UBE2D2: variants seen among roughly 807,000 people sequenced by gnomAD.
UBE2D2 encodes ubiquitin-conjugating enzyme E2 D2.
Under a neutral mutation model 24.2 loss-of-function variants are expected in UBE2D2, and 2 were observed. The observed-to-expected ratio is 0.08, with a 90% CI of 0.03 to 0.26. The LOEUF (loss-of-function observed/expected upper bound fraction) is 0.26. Among genes scored for constraint, UBE2D2 ranks in the 10% least tolerant of loss-of-function variants. The probability of loss-of-function intolerance (pLI) is 1.00; values close to 1 mark genes in which losing one functional copy is unlikely to be tolerated. For missense variants in UBE2D2, 44 were observed against 177.6 expected (o/e 0.25, Z 4.28); for synonymous variants, 58 against 56.5 (o/e 1.03, Z -0.12).
intron 1 of UBE2D2, among the ~76,000 whole-genome samples, chr5:139,568,037 A>G (rs983450353): frequency 1.2e-4 from 18 of 152,182 alleles, no homozygotes; most frequent in African/African-American, 4.1e-4. Context: ...GCTGAACAGT[A>G]CTGTATTTTA....
intron 1 of UBE2D2, among the ~76,000 whole-genome samples, chr5:139,595,450 C>A (rs914716654): frequency 6.6e-6 from 1 of 151,852 alleles, no homozygotes; most frequent in South Asian, 2.1e-4. Flanking sequence ...ACGATGTTGT[C>A]TCACTACAAC....
intron 2 of UBE2D2, among the ~76,000 whole-genome samples, chr5:139,605,910 TAAA>T (rs112553596): frequency 6.7e-6 from 1 of 148,320 alleles, no homozygotes; most frequent in Non-Finnish European, 1.5e-5. Flanking sequence ...CTGGCTAATT[TAAA>T]AAAAAAAATT....
At chr5:139,605,619 A>AG (rs1561517848) in intron 2 of UBE2D2, among the ~76,000 whole-genome samples, 1 of 150,194 alleles carries the variant, frequency 6.7e-6, no homozygotes, top group African/African-American at 2.5e-5. Flanking sequence ...AAAAAAGAAA[A>AG]GAAAGAAACA....
chr5:139,558,985 T>G (rs1753015866), upstream of UBE2D2, among the ~76,000 whole-genome samples: 1 of 152,000 alleles, frequency 6.6e-6, no homozygotes, highest in Non-Finnish European at 1.5e-5. Flanking sequence ...CAATCTTCTG[T>G]AGAGATGAAG....
At chr5:139,532,459 C>G (rs1348079483) in intron 1 of UBE2D2, among the ~76,000 whole-genome samples, 2 of 151,998 alleles carry the variant, frequency 1.3e-5, no homozygotes, top group East Asian at 3.9e-4. Flanking sequence ...TCACGCCATT[C>G]TCTTGCCTCA....
chr5:139,579,788 C>A (rs1393046883), intron 1 of UBE2D2, among the ~76,000 whole-genome samples: 2 of 151,998 alleles, frequency 1.3e-5, no homozygotes, highest in Non-Finnish European at 2.9e-5. Flanking sequence ...TGGCTCACAT[C>A]TGTAATCCCA....
At chr5:139,619,184 T>A (rs1376614519) in intron 5 of UBE2D2, among the ~76,000 whole-genome samples, 1 of 152,066 alleles carries the variant, frequency 6.6e-6, no homozygotes, top group Non-Finnish European at 1.5e-5. Context: ...TCACTTGAGG[T>A]CAGGAGTTTA....
chr5:139,605,449 G>A (rs931267067), intron 2 of UBE2D2, among the ~76,000 whole-genome samples: 7 of 151,758 alleles, frequency 4.6e-5, no homozygotes, highest in Middle Eastern at 3.4e-3. Context: ...AAAATTAGCC[G>A]GGCTTGGTGG....
intron 1 of UBE2D2, among the ~76,000 whole-genome samples, chr5:139,530,798 A>C (rs1190250596): frequency 6.6e-6 from 1 of 152,176 alleles, no homozygotes; most frequent in Non-Finnish European, 1.5e-5. Flanking sequence ...TGTGGCATGG[A>C]CTCAGTCCGG....
intron 1 of UBE2D2, among the ~76,000 whole-genome samples, chr5:139,528,649 G>C (rs1752566389): frequency 6.6e-6 from 1 of 152,122 alleles, no homozygotes; most frequent in South Asian, 2.1e-4. Flanking sequence ...AAATAACAAA[G>C]GAAACCATTA....
chr5:139,605,615 GAAAA>G (rs1256014273), intron 2 of UBE2D2, among the ~76,000 whole-genome samples: 16 of 115,938 alleles, frequency 1.4e-4, no homozygotes, highest in African/African-American at 5.6e-4. Context: ...AAAAAAAAAA[GAAAA>G]GAAAGAAACA....
Position 139,614,972 on chromosome 5 carries a change from A to T in UBE2D2, c.304+6A>T. The T allele has an allele frequency of 6.2e-7, 1 of 1,605,474 alleles. No homozygotes were observed. The highest frequency in any genetic ancestry group is 8.5e-7 in the Non-Finnish European group (1 of 1,175,926). ...AGCACTAACTATTTCAAAAGGTAAC[A>T]GTGGGTATTTGATATCAAGATAAAG... On this transcript the variant is annotated splice_donor_region_variant and intron_variant, in intron 5 of 6. Coordinates refer to ENST00000398733, the MANE Select transcript of UBE2D2 (RefSeq NM_003339.3).
chr5:139,557,535 G>A (rs955158487), upstream of UBE2D2, among the ~76,000 whole-genome samples: 1 of 152,106 alleles, frequency 6.6e-6, no homozygotes, highest in Non-Finnish European at 1.5e-5. Context: ...ATCATCTGAG[G>A]TCTGGAGTTC....
At chr5:139,602,382 A>T (rs1581522527) in intron 2 of UBE2D2, among the ~76,000 whole-genome samples, 1 of 152,142 alleles carries the variant, frequency 6.6e-6, no homozygotes, top group Non-Finnish European at 1.5e-5. Flanking sequence ...TTTTCTTAAT[A>T]ATGTTGTGTC....
At chr5:139,582,666 A>ATTTT (rs1195507116) in intron 1 of UBE2D2, among the ~76,000 whole-genome samples, 5 of 112,326 alleles carry the variant, frequency 4.5e-5, no homozygotes, top group African/African-American at 8.4e-5. Flanking sequence ...TTAGATTCGA[A>ATTTT]TTTTTTTTTT....
At chr5:139,568,831 C>T (rs921487696) in intron 1 of UBE2D2, among the ~76,000 whole-genome samples, 1 of 152,014 alleles carries the variant, frequency 6.6e-6, no homozygotes, top group Non-Finnish European at 1.5e-5. Flanking sequence ...ATTAGCCGGG[C>T]ATGGTGGTGA....
intron 1 of UBE2D2, among the ~76,000 whole-genome samples, chr5:139,577,634 G>C (rs944884175): frequency 5.3e-5 from 8 of 152,004 alleles, no homozygotes; most frequent in Admixed American, 2.0e-4. Context: ...GGCTGGTCTC[G>C]AACTCCTGAC....
intron 1 of UBE2D2, among the ~76,000 whole-genome samples, chr5:139,591,745 T>C (rs1468143066): frequency 2.6e-5 from 4 of 152,220 alleles, no homozygotes; most frequent in Non-Finnish European, 5.9e-5. Context: ...TTTTAAAATA[T>C]GTAAGCAGTT....
intron 2 of UBE2D2, among the ~76,000 whole-genome samples, chr5:139,614,310 C>CCT: frequency 6.6e-6 from 1 of 152,090 alleles, no homozygotes; most frequent in East Asian, 1.9e-4. Flanking sequence ...CTCAAGCAGT[C>CCT]CTCTCACCTC....
Sources: allele counts gnomAD v4.1 joint callset (sites outside exome capture counted in the v4.1 genomes callset), GRCh38; gene constraint gnomAD v4.1.1; transcripts MANE v1.5; gene names NCBI Gene and HGNC (gene_info 2026-07-23, HGNC 2026-07-21).